KCNH5: variants seen among roughly 807,000 people sequenced by gnomAD.
KCNH5 encodes voltage-gated delayed rectifier potassium channel KCNH5.
KCNH5 carries 46 observed loss-of-function variants against 96.1 expected under a neutral mutation model. That is an observed-to-expected ratio of 0.48 (90% CI 0.38 to 0.61). KCNH5 has a LOEUF of 0.61. KCNH5 is among the 20% of genes least tolerant of loss of function. The pLI is 0.00. For synonymous variants in KCNH5, 439 were observed against 449.8 expected, an observed-to-expected ratio of 0.98 and a Z score of 0.30; for missense variants, 907 against 1,225.8, an observed-to-expected ratio of 0.74 and a Z score of 3.88.
At chr14:62,944,052 T>C (rs1889840588) in intron 7 of KCNH5, among the ~76,000 whole-genome samples, 2 of 152,098 alleles carry the variant, frequency 1.3e-5, no homozygotes, top group South Asian at 2.1e-4. Flanking sequence ...CCTATACTAT[T>C]TTTTGAAGAT....
intron 7 of KCNH5, among the ~76,000 whole-genome samples, chr14:62,896,071 G>C (rs1240986107): frequency 6.6e-6 from 1 of 152,166 alleles, no homozygotes; most frequent in Non-Finnish European, 1.5e-5. Context: ...CAACCCAATA[G>C]TCCATATATA....
intron 7 of KCNH5, among the ~76,000 whole-genome samples, chr14:62,858,713 G>A (rs1566684555): frequency 6.6e-6 from 1 of 152,140 alleles, no homozygotes; most frequent in Non-Finnish European, 1.5e-5. Context: ...ATGGTGAATG[G>A]TGCCACTTCC....
At chr14:62,964,949 A>C (rs561140738) in intron 6 of KCNH5, among the ~76,000 whole-genome samples, 4 of 152,220 alleles carry the variant, frequency 2.6e-5, no homozygotes, top group South Asian at 4.2e-4. Flanking sequence ...TCTTGAATAA[A>C]GTCTTTGTTT....
chr14:62,970,044 TAAAAAAAAA>T (rs373852520), intron 6 of KCNH5, among the ~76,000 whole-genome samples: 12 of 30,420 alleles, frequency 3.9e-4, no homozygotes, highest in Non-Finnish European at 5.2e-4. Context: ...AGACTCCGTC[TAAAAAAAAA>T]AAAAAAAAAA....
chr14:62,906,916 T>G (rs192392188), intron 7 of KCNH5, among the ~76,000 whole-genome samples: 136 of 152,274 alleles, frequency 8.9e-4, no homozygotes, highest in Middle Eastern at 6.8e-3. Flanking sequence ...ACCTAGGGTG[T>G]CTCAAAAGCA....
chr14:62,720,877 T>C (rs7156368), intron 10 of KCNH5, among the ~76,000 whole-genome samples: 144,039 of 152,146 alleles, frequency 0.95, 68,615 homozygotes, highest in East Asian at 1. Flanking sequence ...TGCGCGTGCA[T>C]GCACACACAC....
At chr14:62,864,578 A>C (rs1467502813) in intron 7 of KCNH5, among the ~76,000 whole-genome samples, 1 of 152,222 alleles carries the variant, frequency 6.6e-6, no homozygotes, top group Non-Finnish European at 1.5e-5. Context: ...TTGATGGAGC[A>C]GTCCAAAATT....
intron 4 of KCNH5, among the ~76,000 whole-genome samples, chr14:62,990,450 C>T (rs2139578717): frequency 6.6e-6 from 1 of 151,888 alleles, no homozygotes; most frequent in Non-Finnish European, 1.5e-5. Flanking sequence ...CTTTTCTTTA[C>T]CTTATTTTAC....
Position 62,902,864 on chromosome 14 carries a change from C to T in KCNH5, c.1369+47269G>A, listed in dbSNP as rs573892693. The stretch of plus-strand genomic sequence containing the variant: ...CCTCCCGAGTAGCTGGGATTACAGG[C>T]GGTGCCACCACCCCTGGCTAATTTT... On this transcript the variant is annotated intron_variant, in intron 7 of 10. Coordinates refer to ENST00000322893, the MANE Select transcript of KCNH5 (RefSeq NM_139318.5). 2.2e-4 allele frequency among the ~76,000 whole-genome samples: 33 copies of T among 151,954 alleles called. No individual in the cohort carries two copies. In the South Asian group the frequency reaches 3.3e-3, roughly 15 times the overall value.
At chr14:62,837,902 A>G (rs1306263649) in intron 8 of KCNH5, among the ~76,000 whole-genome samples, 2 of 152,172 alleles carry the variant, frequency 1.3e-5, no homozygotes, top group South Asian at 2.1e-4. Context: ...GACAAGAGGG[A>G]TCTTAATTGA....
At chr14:62,955,279 G>T (rs1890082812) in intron 6 of KCNH5, among the ~76,000 whole-genome samples, 1 of 152,070 alleles carries the variant, frequency 6.6e-6, no homozygotes, top group African/African-American at 2.4e-5. Flanking sequence ...ATGCAAACAG[G>T]ATTTCAATGG....
chr14:62,774,769 T>C (rs1173543375), intron 10 of KCNH5, among the ~76,000 whole-genome samples: 2 of 152,146 alleles, frequency 1.3e-5, no homozygotes, highest in African/African-American at 2.4e-5. Flanking sequence ...TCTGAATATG[T>C]TTAAACTTAT....
At chr14:62,935,717 A>C (rs1889667420) in intron 7 of KCNH5, among the ~76,000 whole-genome samples, 1 of 152,170 alleles carries the variant, frequency 6.6e-6, no homozygotes, top group South Asian at 2.1e-4. Context: ...ACACTGTGCC[A>C]GTTTAAAACT....
chr14:62,843,390 A>G (rs1432116336), intron 8 of KCNH5, among the ~76,000 whole-genome samples: 13 of 147,840 alleles, frequency 8.8e-5, no homozygotes, highest in African/African-American at 3.2e-4. Flanking sequence ...TATTATATTC[A>G]CATGGATATA....
At chr14:62,939,351 T>C (rs1235754687) in intron 7 of KCNH5, among the ~76,000 whole-genome samples, 6 of 152,248 alleles carry the variant, frequency 3.9e-5, no homozygotes, top group African/African-American at 1.4e-4. Flanking sequence ...ACCGTACACT[T>C]CCTTGACATG....
In KCNH5 at chr14:62,918,569, G is replaced by A. The variant is rs187315685; in HGVS notation, c.1369+31564C>T. Among the ~76,000 whole-genome samples, 46 of 152,218 alleles carry A rather than the reference G, an allele frequency of 3.0e-4. No homozygotes were observed. In the East Asian group the frequency reaches 8.7e-3, roughly 29 times the overall value. On this transcript the variant is annotated intron_variant, in intron 7 of 10. Coordinates refer to ENST00000322893, the MANE Select transcript of KCNH5 (RefSeq NM_139318.5). ...AGCATACTAATAAAAACAATGGATA[G>A]AGGACATAGTAGGCAATTTGCAAAA...
intron 10 of KCNH5, among the ~76,000 whole-genome samples, chr14:62,721,499 GCT>G (rs10567188): frequency 0.33 from 49,548 of 149,206 alleles, 8,478 homozygotes; most frequent in Non-Finnish European, 0.39. Flanking sequence ...TCACTCACTC[GCT>G]CTCTCTCTCT....
chr14:62,939,410 T>C (rs1053142817), intron 7 of KCNH5, among the ~76,000 whole-genome samples: 3 of 152,186 alleles, frequency 2.0e-5, no homozygotes, highest in African/African-American at 7.2e-5. Context: ...CTGTGCCTCA[T>C]AGCTCTGGAA....
intron 1 of KCNH5, among the ~76,000 whole-genome samples, chr14:63,021,877 C>T (rs184479943): frequency 2.7e-4 from 41 of 152,230 alleles, no homozygotes; most frequent in East Asian, 1.9e-4. Flanking sequence ...TTTTTGCAGG[C>T]TCACCATTCT....
Sources: gnomAD v4.1 joint callset for allele counts (sites outside exome capture counted in the v4.1 genomes callset) on GRCh38, gnomAD v4.1.1 for gene constraint, MANE v1.5 for transcripts, NCBI Gene and HGNC (gene_info 2026-07-23, HGNC 2026-07-21) for gene names.